XDH: variants seen among roughly 807,000 people sequenced by gnomAD.
XDH encodes xanthine dehydrogenase, also known as xanthine dehydrogenase/oxidase.
XDH carries 138 observed loss-of-function variants against 156.1 expected under a neutral mutation model. That is an observed-to-expected ratio of 0.88 (90% confidence interval 0.77 to 1.02). The LOEUF is 1.02. XDH is among the 50% of genes least tolerant of loss of function. The probability of loss-of-function intolerance (pLI) is 0.00; values close to 1 mark genes in which losing one functional copy is unlikely to be tolerated. For synonymous variants in XDH, 669 were observed against 625.7 expected, an observed-to-expected ratio of 1.07 and a Z score of -1.03; for missense variants, 1,849 against 1,684.9, an observed-to-expected ratio of 1.10 and a Z score of -1.71.
At position 31,350,123 on chromosome 2, in the gene XDH, G is replaced by T. The variant is rs1238609953; in HGVS notation, c.2732C>A (p.Ala911Asp). ...CTGGGGCCCCCCAAAGCCCCGGAAG[G>T]CCGTGTTGGAGGGAAGGTTGGTTTT... ...LCKTNLPSNTAFRGFGGPQGM... is the reference protein window; with the variant it reads ...LCKTNLPSNTDFRGFGGPQGM... The change falls in exon 25 of 36, where the codon GCC (alanine) becomes GAC (aspartate). Residue 911 changes from alanine (A) to aspartate (D), a missense_variant. Coordinates refer to ENST00000379416, the MANE Select transcript of XDH (RefSeq NM_000379.4). 2 of 1,614,212 alleles carry T rather than the reference G, an allele frequency of 1.2e-6. No homozygotes were observed. Among genetic ancestry groups the T allele is most frequent in the South Asian group, 2.2e-5 (2 of 91,084 alleles).
chr2:31,377,033 A>T lies in XDH; in HGVS notation c.1427+20T>A. On this transcript the variant is annotated intron_variant, in intron 14 of 35. Transcript: ENST00000379416. The stretch of plus-strand genomic sequence containing the variant: ...TAGCAGCAACATTAGCAGCAGTTTC[A>T]TTGTGCTGTTAGCTCTTACTTGGAA... 1.2e-6 allele frequency: 2 copies of T among 1,614,072 alleles called. No individual in the cohort carries two copies. The highest frequency in any genetic ancestry group is 1.3e-5 in the African/African-American group (1 of 75,020).
At chr2:31,367,638 T>C (rs1258491958) in intron 20 of XDH, among the ~76,000 whole-genome samples, 1 of 151,860 alleles carries the variant, frequency 6.6e-6, no homozygotes, top group African/African-American at 2.4e-5. Context: ...AGGATGAGAA[T>C]TTATGCGGTT....
intron 22 of XDH, 38 bp downstream of exon 22, chr2:31,365,938 C>T (rs1376487879): frequency 1.2e-6 from 2 of 1,613,918 alleles, no homozygotes; most frequent in Non-Finnish European, 1.7e-6. Context: ...TATTCTTCTT[C>T]CCAGAGCCAG....
At chr2:31,357,823 C>T (rs1372280945) in intron 24 of XDH, among the ~76,000 whole-genome samples, 1 of 151,854 alleles carries the variant, frequency 6.6e-6, no homozygotes, top group African/African-American at 2.4e-5. Context: ...TCATATGTAT[C>T]CTATAAATAT....
At chr2:31,405,041 C>T (rs143637690) in intron 2 of XDH, among the ~76,000 whole-genome samples, 6 of 152,278 alleles carry the variant, frequency 3.9e-5, no homozygotes, top group Admixed American at 2.6e-4. Context: ...GTTGCCAGTG[C>T]GGGTGAGAGG....
rs536923494 is a variant in XDH, at chr2:31,348,356, G to T, written c.3059C>A (p.Ala1020Asp). Residue 1020 changes from alanine (A) to aspartate (D), a missense_variant, in exon 28 of 36, where the codon GCC (alanine) becomes GAC (aspartate). Ala to Asp is a moderately radical substitution (Grantham distance 126, BLOSUM62 -2). Coordinates refer to ENST00000379416, the MANE Select transcript of XDH (RefSeq NM_000379.4). ...GCCATCTGTGTACACATGAAGTAGG[G>T]CTCCTGCCTAGGGAAAGAGAAGGAT... ...FTVPFLNQAG[A>D]LLHVYTDGSV... 6.2e-7 allele frequency: 1 copy of T among 1,614,150 alleles called. No individual in the cohort carries two copies. The highest frequency in any genetic ancestry group is 1.1e-5 in the South Asian group (1 of 91,078).
chr2:31,347,717 A>G, intron 28 of XDH, 67 bp from the exon 29 acceptor site: 1 of 1,575,642 alleles, frequency 6.3e-7, no homozygotes, highest in South Asian at 1.2e-5. Context: ...CCTTCTCCCC[A>G]AGACAGGATT....
At chr2:31,379,999 G>C in intron 12 of XDH, 23 bp from the exon 13 acceptor site, 2 of 1,611,554 alleles carry the variant, frequency 1.2e-6, no homozygotes. Context: ...AAGATGAAGA[G>C]GAGCCAAAGT....
At position 31,348,307 on chromosome 2, in the gene XDH, C is replaced by A. The variant is rs766071282; in HGVS notation, c.3108G>T (p.Gly1036=). ...TDGSVLLTHG[G]TEMGQGLHTK... is the part of the protein sequence containing the mutation. ...TATGAAGGCCTTGGCCCATCTCAGT[C>A]CCCCCGTGGGTCAGCAGCACAGAGC... is the stretch of plus-strand genomic sequence containing the variant. Residue 1036 remains glycine, a synonymous_variant, in exon 28 of 36, where the codon GGG becomes GGT. Transcript: ENST00000379416. The A allele has an allele frequency of 3.6e-5, 58 of 1,613,944 alleles. 1 individual carries two copies. The highest frequency in any genetic ancestry group is 3.3e-4 in the South Asian group (30 of 91,072).
At chr2:31,375,591 C>G in intron 14 of XDH, 37 bp from the exon 15 acceptor site, 2 of 1,604,442 alleles carry the variant, frequency 1.2e-6, no homozygotes, top group Non-Finnish European at 8.5e-7. Flanking sequence ...CGCTCCCGCC[C>G]AGCCCTCCAG....
chr2:31,390,399 G>A (rs899999858), intron 6 of XDH, among the ~76,000 whole-genome samples: 11 of 152,170 alleles, frequency 7.2e-5, no homozygotes, highest in Non-Finnish European at 1.6e-4. Flanking sequence ...ATGTTCTACA[G>A]TTTATTCACC....
chr2:31,368,125 G>A (rs934108135), intron 19 of XDH, 68 bp from the exon 20 acceptor site: 1 of 1,377,532 alleles, frequency 7.3e-7, no homozygotes, highest in South Asian at 1.2e-5. Flanking sequence ...TTCTGATTAG[G>A]GAAAGAGAAG....
chr2:31,409,242 A>G lies in XDH; in HGVS notation c.43-3278T>C, dbSNP rs149459482. Among the ~76,000 whole-genome samples, 501 of 152,362 alleles carry G rather than the reference A, an allele frequency of 3.3e-3. 1 individual carries two copies. The highest frequency in any genetic ancestry group is 6.1e-3 in the Non-Finnish European group (413 of 68,030). On this transcript the variant is annotated intron_variant, in intron 1 of 35. Transcript: ENST00000379416. ...TGTTGGATAACACAACAGAATAACT[A>G]CAGTCAATAATAATTTAACTGTACA...
chr2:31,377,267 C>T, intron 13 of XDH, 30 bp from the exon 14 acceptor site: 1 of 1,613,352 alleles, frequency 6.2e-7, no homozygotes, highest in Non-Finnish European at 8.5e-7. Flanking sequence ...TGCCTGTTTT[C>T]CACCTTGCTC....
chr2:31,353,471 T>C (rs1480074986), intron 24 of XDH, among the ~76,000 whole-genome samples: 1 of 151,988 alleles, frequency 6.6e-6, no homozygotes, highest in African/African-American at 2.4e-5. Flanking sequence ...ACAACAACAA[T>C]GTAAGAATAC....
At chr2:31,359,384 A>C (rs1685713949) in intron 24 of XDH, among the ~76,000 whole-genome samples, 1 of 152,088 alleles carries the variant, frequency 6.6e-6, no homozygotes, top group African/African-American at 2.4e-5. Context: ...AAAAAAAAAA[A>C]ACAAGGCATT....
chr2:31,394,233 CT>C (rs1160559542), intron 6 of XDH, among the ~76,000 whole-genome samples: 1 of 152,216 alleles, frequency 6.6e-6, no homozygotes, highest in African/African-American at 2.4e-5. Context: ...AACAAATTAT[CT>C]CAAGTTTTGT....
At chr2:31,374,994 C>CCTTTCTTTCTTTCTTT (rs71405566) in intron 15 of XDH, among the ~76,000 whole-genome samples, 4 of 134,370 alleles carry the variant, frequency 3.0e-5, no homozygotes, top group African/African-American at 9.4e-5. Flanking sequence ...TTCTTTTTTT[C>CCTTTCTTTCTTTCTTT]CTTTCTTTCT....
At chr2:31,365,339 T>A (rs996038961) in intron 23 of XDH, 118 bp downstream of exon 23, 2 of 1,049,226 alleles carry the variant, frequency 1.9e-6, no homozygotes, top group African/African-American at 1.6e-5. Flanking sequence ...TATATCTTAT[T>A]TGAACTTCTA....
Sources: allele counts gnomAD v4.1 joint callset (sites outside exome capture counted in the v4.1 genomes callset), GRCh38; gene constraint gnomAD v4.1.1; transcripts MANE v1.5; gene names NCBI Gene and HGNC (gene_info 2026-07-23, HGNC 2026-07-21).